The following COL13A1 variants were observed in gnomAD, a reference collection of about 807,000 sequenced individuals.
The protein encoded by COL13A1 is collagen alpha-1(XIII) chain.
Under a neutral mutation model 130.9 loss-of-function variants are expected in COL13A1, and 89 were observed. The ratio of observed to expected loss-of-function variants is 0.68; its 90% CI spans 0.57 to 0.81. The LOEUF is 0.81. Ranked by LOEUF, COL13A1 falls within the 30% of genes least tolerant of loss-of-function variation. COL13A1 has a pLI of 0.00. For missense variants in COL13A1, 879 were observed against 934.6 expected, an observed-to-expected ratio of 0.94 and a Z score of 0.78; for synonymous variants, 402 against 341.6, an observed-to-expected ratio of 1.18 and a Z score of -1.95.
chr10:69,881,854 CAG>C (rs2060174468), intron 7 of COL13A1, among the ~76,000 whole-genome samples: 1 of 152,234 alleles, frequency 6.6e-6, no homozygotes, highest in Admixed American at 6.5e-5. Flanking sequence ...AACTGAGGCA[CAG>C]AGAGGCTGAG....
chr10:69,909,763 T>C (rs2063167276), intron 17 of COL13A1, among the ~76,000 whole-genome samples: 1 of 152,232 alleles, frequency 6.6e-6, no homozygotes, highest in African/African-American at 2.4e-5. Context: ...AGAAGTTTAT[T>C]TCCCCTCTGA....
chr10:69,857,252 G>A (rs1165303060), intron 2 of COL13A1, among the ~76,000 whole-genome samples: 4 of 152,236 alleles, frequency 2.6e-5, no homozygotes, highest in African/African-American at 9.6e-5. Flanking sequence ...TGTCCCAACA[G>A]TTCAAAGCTG....
intron 2 of COL13A1, among the ~76,000 whole-genome samples, chr10:69,838,440 A>G (rs757989171): frequency 1.2e-4 from 18 of 152,128 alleles, no homozygotes; most frequent in Admixed American, 3.9e-4. Context: ...GATCATGACA[A>G]CCTCTACCTC....
At chr10:69,825,392 G>A (rs1699427959) in intron 2 of COL13A1, among the ~76,000 whole-genome samples, 1 of 152,192 alleles carries the variant, frequency 6.6e-6, no homozygotes, top group Admixed American at 6.5e-5. Context: ...TTCAAAGCTT[G>A]ATTTACTTTT....
intron 2 of COL13A1, among the ~76,000 whole-genome samples, chr10:69,833,336 C>T (rs980208496): frequency 1.3e-5 from 2 of 152,238 alleles, no homozygotes; most frequent in African/African-American, 2.4e-5. Flanking sequence ...CTCCACTCCT[C>T]ACCTCAGCCC....
At chr10:69,810,324 C>T (rs955177194) in intron 1 of COL13A1, among the ~76,000 whole-genome samples, 10 of 137,284 alleles carry the variant, frequency 7.3e-5, no homozygotes, top group African/African-American at 2.1e-4. Flanking sequence ...TGTTCTGCGG[C>T]TGGACCTGGC....
At chr10:69,871,377 C>G (rs80318885) in intron 3 of COL13A1, among the ~76,000 whole-genome samples, 32,459 of 152,030 alleles carry the variant, frequency 0.21, 3,637 homozygotes, top group Middle Eastern at 0.29. Flanking sequence ...CAGGAAAGTC[C>G]CTACCTCAGG....
At chr10:69,835,399 G>A (rs1007614780) in intron 2 of COL13A1, among the ~76,000 whole-genome samples, 2 of 152,048 alleles carry the variant, frequency 1.3e-5, no homozygotes, top group Non-Finnish European at 2.9e-5. Flanking sequence ...GACCCACCCA[G>A]GCTGCCCACT....
At chr10:69,930,175 C>T in intron 29 of COL13A1, 88 bp downstream of exon 29, 1 of 1,413,726 alleles carries the variant, frequency 7.1e-7, no homozygotes, top group Non-Finnish European at 9.9e-7. Context: ...TAGAATTGGC[C>T]CTGGTGTGAG....
At chr10:69,897,477 G>GT in intron 13 of COL13A1, 2 of 1,613,920 alleles carry the variant, frequency 1.2e-6, no homozygotes, top group Non-Finnish European at 1.7e-6. Context: ...CAAACTAGGA[G>GT]TGCCTAAGCA....
intron 2 of COL13A1, among the ~76,000 whole-genome samples, chr10:69,835,425 C>A (rs923332728): frequency 6.6e-6 from 1 of 152,078 alleles, no homozygotes; most frequent in Non-Finnish European, 1.5e-5. Flanking sequence ...GATGACTACC[C>A]CCACTCTTGT....
Position 69,802,555 on chromosome 10 carries a change from G to C in COL13A1, c.132G>C (p.Ser44=). 2.1e-5 allele frequency: 34 copies of C among 1,609,236 alleles called. No homozygotes were observed. Among genetic ancestry groups the C allele is most frequent in the Non-Finnish European group, 2.9e-5 (34 of 1,177,982 alleles). The part of the protein sequence containing the change: ...ERGARLPSPG[S]CGLLTLALCS... ...GCGCACGGCTGCCGAGTCCAGGGTC[G>C]TGCGGGCTGCTGACGCTGGCCCTCT... The change falls in exon 1 of 41, where the codon TCG becomes TCC. Residue 44 remains serine, a synonymous_variant. Coordinates refer to ENST00000645393, the MANE Select transcript of COL13A1 (RefSeq NM_001368882.1).
chr10:69,957,039 C>T lies in COL13A1; in HGVS notation c.2181C>T (p.Asn727=). ...EDGLPVQGCW[N]K ...GCTTACCAGTCCAAGGCTGCTGGAA[C>T]AAGGTAAGGCTTCCCATTGGTGTGC... The change falls in exon 40 of 41, where the codon AAC becomes AAT. Residue 727 remains asparagine (N), a synonymous_variant. Transcript: ENST00000645393. 6.2e-7 allele frequency: 1 copy of T among 1,613,486 alleles called. No individual in the cohort carries two copies.
chr10:69,855,553 A>G (rs1459668550), intron 2 of COL13A1, among the ~76,000 whole-genome samples: 1 of 152,178 alleles, frequency 6.6e-6, no homozygotes, highest in Non-Finnish European at 1.5e-5. Flanking sequence ...TAATTGCTGT[A>G]TATGTTGTTA....
chr10:69,864,926 G>A (rs1859390164), intron 2 of COL13A1, among the ~76,000 whole-genome samples: 1 of 152,182 alleles, frequency 6.6e-6, no homozygotes, highest in African/African-American at 2.4e-5. Context: ...CACCTGAGGG[G>A]GCTGGGACAA....
intron 4 of COL13A1, among the ~76,000 whole-genome samples, chr10:69,872,439 C>T (rs1476090099): frequency 6.6e-6 from 1 of 152,220 alleles, no homozygotes; most frequent in African/African-American, 2.4e-5. Flanking sequence ...CTTGGTGTGC[C>T]TTTGCCCCAG....
chr10:69,945,136 T>C (rs1264225810), intron 36 of COL13A1, among the ~76,000 whole-genome samples: 2 of 152,140 alleles, frequency 1.3e-5, no homozygotes, highest in African/African-American at 2.4e-5. Flanking sequence ...CGGAGGTCCC[T>C]GTGTGGGCAT....
chr10:69,817,489 G>C (rs1589213461), intron 1 of COL13A1, among the ~76,000 whole-genome samples: 1 of 152,038 alleles, frequency 6.6e-6, no homozygotes, highest in African/African-American at 2.4e-5. Flanking sequence ...AATGGTGAAG[G>C]GTTGAGGGAA....
At chr10:69,877,745 A>G (rs947166885) in intron 5 of COL13A1, 1 of 343,236 alleles carries the variant, frequency 2.9e-6, no homozygotes, top group African/African-American at 2.6e-5. Flanking sequence ...ACACACACAC[A>G]CGTACGTGCC....
Sources: allele counts gnomAD v4.1 joint callset (sites outside exome capture counted in the v4.1 genomes callset), GRCh38; gene constraint gnomAD v4.1.1; transcripts MANE v1.5; gene names NCBI Gene and HGNC (gene_info 2026-07-23, HGNC 2026-07-21).